The following STAG1 variants were observed in gnomAD, a reference collection of about 807,000 sequenced individuals.
STAG1 encodes cohesin subunit SA-1.
A neutral mutation model predicts 170.9 loss-of-function variants in STAG1; 26 were observed. That is an observed-to-expected ratio of 0.15 (90% CI 0.11 to 0.21). The LOEUF (loss-of-function observed/expected upper bound fraction) is 0.21, where lower values mean the gene tolerates loss of function less well. STAG1 is among the 10% of genes least tolerant of loss of function. The pLI is 1.00. For synonymous variants in STAG1, 514 were observed against 497.7 expected (o/e 1.03, Z -0.44); for missense variants, 964 against 1,509.5 (o/e 0.64, Z 5.99).
At chr3:136,472,911 C>T (rs1470131327) in intron 11 of STAG1, among the ~76,000 whole-genome samples, 3 of 152,142 alleles carry the variant, frequency 2.0e-5, no homozygotes, top group Admixed American at 6.5e-5. Context: ...GTCCCCAATC[C>T]TGGTCTGTAA....
At chr3:136,688,399 ATTTT>A (rs550515870) in intron 1 of STAG1, among the ~76,000 whole-genome samples, 1 of 150,004 alleles carries the variant, frequency 6.7e-6, no homozygotes, top group South Asian at 2.1e-4. Flanking sequence ...AAAAAGTTTA[ATTTT>A]TTTTTTCTTT....
At chr3:136,420,715 C>T (rs2087927949) in intron 20 of STAG1, among the ~76,000 whole-genome samples, 1 of 152,224 alleles carries the variant, frequency 6.6e-6, no homozygotes, top group Non-Finnish European at 1.5e-5. Context: ...AAGTGATCTT[C>T]CTTCCTCAAC....
At chr3:136,711,437 T>C (rs1015700135) in intron 1 of STAG1, among the ~76,000 whole-genome samples, 1 of 152,074 alleles carries the variant, frequency 6.6e-6, no homozygotes, top group Non-Finnish European at 1.5e-5. Flanking sequence ...GGCTCACACC[T>C]ACGGTCCCAG....
chr3:136,698,892 A>G (rs1181233645), intron 1 of STAG1, among the ~76,000 whole-genome samples: 1 of 152,268 alleles, frequency 6.6e-6, no homozygotes, highest in Non-Finnish European at 1.5e-5. Flanking sequence ...ACAAAAAGGA[A>G]TGAAATAATG....
chr3:136,607,522 C>T (rs1164285607), intron 3 of STAG1, among the ~76,000 whole-genome samples: 1 of 152,126 alleles, frequency 6.6e-6, no homozygotes, highest in African/African-American at 2.4e-5. Flanking sequence ...TCTGCCTCAG[C>T]CTCCTGAGTA....
chr3:136,394,654 G>T (rs1203959952), intron 22 of STAG1, among the ~76,000 whole-genome samples: 2 of 151,960 alleles, frequency 1.3e-5, no homozygotes, highest in Non-Finnish European at 2.9e-5. Context: ...GGGTGTGGTG[G>T]CTCACACCTG....
chr3:136,467,462 T>A (rs984322135), intron 12 of STAG1, among the ~76,000 whole-genome samples: 8 of 152,056 alleles, frequency 5.3e-5, no homozygotes, highest in Admixed American at 3.9e-4. Flanking sequence ...GAGCTAACTA[T>A]CCTAAATATA....
intron 3 of STAG1, among the ~76,000 whole-genome samples, chr3:136,607,172 T>C (rs929736544): frequency 3.3e-5 from 5 of 152,162 alleles, no homozygotes; most frequent in Non-Finnish European, 1.5e-5. Flanking sequence ...ACTTCTGTAC[T>C]TTTCTTACTC....
At chr3:136,353,246 T>A (rs553106313) in intron 28 of STAG1, among the ~76,000 whole-genome samples, 1 of 152,122 alleles carries the variant, frequency 6.6e-6, no homozygotes, top group Non-Finnish European at 1.5e-5. Flanking sequence ...TACTGACATA[T>A]GTGTAATGGG....
chr3:136,718,794 G>A (rs968022058), intron 1 of STAG1, among the ~76,000 whole-genome samples: 1 of 151,920 alleles, frequency 6.6e-6, no homozygotes, highest in African/African-American at 2.4e-5. Flanking sequence ...AAGTGTGGTG[G>A]GGGGGGCCTG....
At chr3:136,530,395 A>C (rs1290607126) in intron 6 of STAG1, among the ~76,000 whole-genome samples, 1 of 152,202 alleles carries the variant, frequency 6.6e-6, no homozygotes, top group Non-Finnish European at 1.5e-5. Flanking sequence ...CATTTTATCC[A>C]ACAACTGCAG....
At chr3:136,600,394 C>A (rs1938610122) in intron 4 of STAG1, among the ~76,000 whole-genome samples, 1 of 152,230 alleles carries the variant, frequency 6.6e-6, no homozygotes, top group East Asian at 1.9e-4. Flanking sequence ...CACTCAACAA[C>A]CAAACTCCTG....
Position 136,341,519 on chromosome 3 carries a change from G to A in STAG1, c.3479C>T (p.Pro1160Leu), listed in dbSNP as rs1300433502. 4 of 1,613,544 alleles carry A rather than the reference G, an allele frequency of 2.5e-6. No individual in the cohort carries two copies. The highest frequency in any genetic ancestry group is 3.4e-6 in the Non-Finnish European group (4 of 1,179,776). The change falls in exon 31 of 34, where the codon CCG (proline) becomes CTG (leucine). Residue 1160 changes from proline (P) to leucine (L), a missense_variant. By Grantham distance (98) the Pro-to-Leu change is moderately conservative. Coordinates refer to ENST00000383202, the MANE Select transcript of STAG1 (RefSeq NM_005862.3). The stretch of plus-strand genomic sequence containing the variant: ...CTTCCGATTTAAGTCTTCTAACTTC[G>A]GCTGGCCTAACCAAGAGATCTGCAT... The part of the protein sequence containing the change: ...PQMQISWLGQ[P>L]KLEDLNRKDR...
At chr3:136,491,150 C>T (rs894180647) in intron 9 of STAG1, among the ~76,000 whole-genome samples, 10 of 152,072 alleles carry the variant, frequency 6.6e-5, no homozygotes, top group African/African-American at 2.4e-4. Flanking sequence ...CGGGGTCTTG[C>T]TCTGTCGTTC....
intron 9 of STAG1, among the ~76,000 whole-genome samples, chr3:136,487,162 C>CT (rs1307463842): frequency 6.6e-6 from 1 of 152,052 alleles, no homozygotes; most frequent in African/African-American, 2.4e-5. Flanking sequence ...CTGGTGTGTG[C>CT]TGTTCCCCTC....
intron 1 of STAG1, among the ~76,000 whole-genome samples, chr3:136,735,529 T>C (rs532178266): frequency 1.3e-5 from 2 of 152,232 alleles, no homozygotes; most frequent in Non-Finnish European, 2.9e-5. Context: ...CTCCGCCTCC[T>C]GGGTTCAAGT....
At chr3:136,593,731 T>G (rs1576644143) in intron 4 of STAG1, among the ~76,000 whole-genome samples, 1 of 152,330 alleles carries the variant, frequency 6.6e-6, no homozygotes, top group East Asian at 1.9e-4. Flanking sequence ...TTTAGAATAT[T>G]ATATGATTTT....
intron 22 of STAG1, among the ~76,000 whole-genome samples, chr3:136,385,392 A>G (rs968488182): frequency 6.6e-6 from 1 of 152,158 alleles, no homozygotes; most frequent in South Asian, 2.1e-4. Context: ...GTGAGCCATG[A>G]CCGTGCCACT....
intron 26 of STAG1, among the ~76,000 whole-genome samples, chr3:136,362,549 C>CT (rs1936911771): frequency 7.3e-6 from 1 of 137,758 alleles, no homozygotes; most frequent in African/African-American, 2.7e-5. Context: ...AGGTGGATCA[C>CT]TTGAGGCCGA....
Sources: allele counts gnomAD v4.1 joint callset (sites outside exome capture counted in the v4.1 genomes callset), GRCh38; gene constraint gnomAD v4.1.1; transcripts MANE v1.5; gene names NCBI Gene and HGNC (gene_info 2026-07-23, HGNC 2026-07-21).